RIN3: variants seen among roughly 807,000 people sequenced by gnomAD.
RIN3 encodes the protein Ras and Rab interactor 3, also known as RAB5 interacting protein 3.
A neutral mutation model predicts 76.3 loss-of-function variants in RIN3; 54 were observed. The ratio of observed to expected loss-of-function variants is 0.71; its 90% CI spans 0.57 to 0.89. The LOEUF (loss-of-function observed/expected upper bound fraction) is 0.89, where lower values mean the gene tolerates loss of function less well. Among genes scored for constraint, RIN3 ranks in the 40% least tolerant of loss-of-function variants. The pLI is 0.00. For missense variants in RIN3, 1,256 were observed against 1,322.1 expected, an observed-to-expected ratio of 0.95 and a Z score of 0.78; for synonymous variants, 576 against 564.0, an observed-to-expected ratio of 1.02 and a Z score of -0.30.
chr14:92,611,833 G>A (rs139653449), intron 3 of RIN3, among the ~76,000 whole-genome samples: 2 of 152,312 alleles, frequency 1.3e-5, no homozygotes, highest in African/African-American at 4.8e-5. Context: ...AAGAAAAGAA[G>A]TTTAATTGAC....
At chr14:92,661,756 C>A (rs55865643) in intron 7 of RIN3, among the ~76,000 whole-genome samples, 15,392 of 116,950 alleles carry the variant, frequency 0.13, 1,015 homozygotes, top group East Asian at 0.24. Flanking sequence ...CACACACACA[C>A]ACAAAAAATA....
chr14:92,593,031 T>C (rs1885040550), intron 3 of RIN3, among the ~76,000 whole-genome samples: 1 of 152,020 alleles, frequency 6.6e-6, no homozygotes, highest in South Asian at 2.1e-4. Flanking sequence ...AATCTACATG[T>C]GTGAAAGCTG....
Position 92,641,326 on chromosome 14 carries a change from C to G in RIN3, c.529C>G (p.Leu177Val), listed in dbSNP as rs1887004902. ...TDLETIANLG[L>V]GFWDSSLNPP... ...CCTTGAGACCATCGCCAACCTGGGT[C>G]TGGGTGAGTCTTCTCCGAGGGGTTA... is the stretch of plus-strand genomic sequence containing the variant. Residue 177 changes from leucine (L) to valine (V), a missense_variant, in exon 5 of 10, where the codon CTG becomes GTG. Physicochemically the swap from Leu to Val is conservative, Grantham distance 32 (BLOSUM62 1). Transcript: ENST00000216487. The G allele has an allele frequency of 1.9e-6, 3 of 1,612,426 alleles. No homozygotes were observed. In the South Asian group the frequency reaches 3.3e-5, roughly 18 times the overall value.
chr14:92,625,230 G>A (rs1045031894), intron 4 of RIN3, among the ~76,000 whole-genome samples: 3 of 152,152 alleles, frequency 2.0e-5, no homozygotes, highest in Non-Finnish European at 2.9e-5. Context: ...TGAGTAGAGC[G>A]ATGGGGAGAC....
chr14:92,637,716 A>G (rs188595156), intron 4 of RIN3, among the ~76,000 whole-genome samples: 98 of 152,334 alleles, frequency 6.4e-4, no homozygotes, highest in Non-Finnish European at 1.2e-3. Context: ...GTGGGATAAC[A>G]GGGAAAGCTC....
chr14:92,614,799 TTA>T (rs144127255), intron 3 of RIN3, among the ~76,000 whole-genome samples: 10,648 of 103,152 alleles, frequency 0.1, 489 homozygotes, highest in South Asian at 0.23. Context: ...TTAAACCTCT[TTA>T]TATATATATA....
At chr14:92,515,011 A>G (rs1013786404) in intron 1 of RIN3, among the ~76,000 whole-genome samples, 4 of 152,132 alleles carry the variant, frequency 2.6e-5, no homozygotes, top group Non-Finnish European at 1.5e-5. Flanking sequence ...CTGCTCTGTG[A>G]AACAGGAGAG....
intron 1 of RIN3, chr14:92,515,414 A>T: frequency 1.8e-6 from 1 of 540,692 alleles, no homozygotes; most frequent in Non-Finnish European, 3.3e-6. Context: ...ACCTAGTGTG[A>T]TCCACTTCCT....
chr14:92,615,543 TGGGTGCAGGGGACTTCACA>T, intron 4 of RIN3, 64 bp downstream of exon 4: 2 of 1,404,104 alleles, frequency 1.4e-6, no homozygotes, highest in Non-Finnish European at 2.0e-6. Flanking sequence ...CAACCCTGGG[TGGGTGCAGGGGACTTCACA>T]GGGAAGCCCC....
intron 4 of RIN3, among the ~76,000 whole-genome samples, chr14:92,639,647 C>T (rs981136742): frequency 7.2e-5 from 11 of 152,356 alleles, no homozygotes; most frequent in Admixed American, 6.5e-4. Context: ...GAGCCCTGGC[C>T]TCAGCACACA....
At chr14:92,657,622 G>A (rs1222536022) in intron 6 of RIN3, among the ~76,000 whole-genome samples, 1 of 152,108 alleles carries the variant, frequency 6.6e-6, no homozygotes, top group Non-Finnish European at 1.5e-5. Context: ...ACATGGCCGA[G>A]GTCATGCAGA....
intron 1 of RIN3, among the ~76,000 whole-genome samples, chr14:92,526,613 C>T (rs959790316): frequency 4.6e-5 from 7 of 152,008 alleles, no homozygotes; most frequent in Non-Finnish European, 8.8e-5. Flanking sequence ...ATTAGCTGGG[C>T]GTGGTGGCGT....
At chr14:92,674,611 G>A (rs1243359476) in intron 7 of RIN3, among the ~76,000 whole-genome samples, 2 of 151,888 alleles carry the variant, frequency 1.3e-5, no homozygotes, top group East Asian at 1.9e-4. Flanking sequence ...CTCAAAGGCC[G>A]GGCGCTGTGG....
At chr14:92,627,810 A>G (rs1174442962) in intron 4 of RIN3, among the ~76,000 whole-genome samples, 1 of 152,236 alleles carries the variant, frequency 6.6e-6, no homozygotes, top group African/African-American at 2.4e-5. Context: ...GCAAGGCCCC[A>G]GATTGTTAGA....
chr14:92,636,726 A>C (rs1047804684), intron 4 of RIN3, among the ~76,000 whole-genome samples: 1 of 152,140 alleles, frequency 6.6e-6, no homozygotes, highest in African/African-American at 2.4e-5. Context: ...AGAGCAATTG[A>C]TGGAACATAA....
intron 1 of RIN3, among the ~76,000 whole-genome samples, chr14:92,536,932 T>C (rs1259137530): frequency 6.6e-6 from 1 of 152,112 alleles, no homozygotes; most frequent in African/African-American, 2.4e-5. Flanking sequence ...CAGCAATGCA[T>C]GGCACACAGT....
chr14:92,607,415 G>A (rs1885565861), intron 3 of RIN3, among the ~76,000 whole-genome samples: 1 of 152,158 alleles, frequency 6.6e-6, no homozygotes, highest in African/African-American at 2.4e-5. Context: ...AGACCAAGGT[G>A]GGAGGATTGC....
At chr14:92,540,356 AG>A (rs941491483) in intron 1 of RIN3, among the ~76,000 whole-genome samples, 2 of 152,172 alleles carry the variant, frequency 1.3e-5, no homozygotes, top group Non-Finnish European at 2.9e-5. Context: ...TCCTAATGGA[AG>A]GTCTTTTGGT....
intron 1 of RIN3, among the ~76,000 whole-genome samples, chr14:92,530,506 GT>G (rs1164533581): frequency 6.6e-6 from 1 of 152,166 alleles, no homozygotes; most frequent in Non-Finnish European, 1.5e-5. Flanking sequence ...AGTTTTTGTT[GT>G]TTTGTTTTGT....
Sources: allele counts gnomAD v4.1 joint callset (sites outside exome capture counted in the v4.1 genomes callset), GRCh38; gene constraint gnomAD v4.1.1; transcripts MANE v1.5; gene names NCBI Gene and HGNC (gene_info 2026-07-23, HGNC 2026-07-21).